GPR137B: variants seen among roughly 807,000 people sequenced by gnomAD.
GPR137B encodes integral membrane protein GPR137B.
GPR137B carries 42 observed loss-of-function variants against 42.5 expected under a neutral mutation model. That is an observed-to-expected ratio of 0.99 (90% CI 0.77 to 1.28). The LOEUF (loss-of-function observed/expected upper bound fraction) is 1.28. Among genes scored for constraint, GPR137B ranks in the 50% most tolerant of loss-of-function variants. The pLI, the probability that GPR137B is intolerant of heterozygous loss-of-function variation, is 0.00. For synonymous variants in GPR137B, 218 were observed against 209.7 expected (o/e 1.04, Z -0.34); for missense variants, 487 against 493.9 (o/e 0.99, Z 0.13).
chr1:236,172,374 T>A (rs992272861), intron 2 of GPR137B, among the ~76,000 whole-genome samples: 12 of 152,342 alleles, frequency 7.9e-5, no homozygotes, highest in African/African-American at 2.9e-4. Context: ...AGTCTAGAAC[T>A]AGTTGAAACT....
At chr1:236,167,165 C>G (rs1209973856) in intron 1 of GPR137B, among the ~76,000 whole-genome samples, 1 of 152,186 alleles carries the variant, frequency 6.6e-6, no homozygotes, top group Non-Finnish European at 1.5e-5. Context: ...AAAGTGTGCA[C>G]CGTGATGTTT....
chr1:236,169,199 C>G lies in GPR137B; in HGVS notation c.464+444C>G, dbSNP rs548569194. On this transcript the variant is annotated intron_variant, in intron 2 of 6. Transcript: ENST00000366592. ...GCAGGTGCAGGTGCAGGTGCAGGTG[C>G]AGGTGCAGGTGCAGGTACAGGTACA... Among the ~76,000 whole-genome samples, 13 of 141,234 alleles carry G rather than the reference C, an allele frequency of 9.2e-5. No homozygotes were observed. In the East Asian group the frequency reaches 2.5e-3, roughly 27 times the overall value. The allele number at this position is 141,234 out of a possible 152,430, so 92.7% of individuals were successfully genotyped here. A position where few individuals can be genotyped will look rare whatever the true frequency, so the allele number is the denominator to read the frequency against.
At chr1:236,164,903 A>C (rs1303719493) in intron 1 of GPR137B, among the ~76,000 whole-genome samples, 1 of 151,526 alleles carries the variant, frequency 6.6e-6, no homozygotes, top group East Asian at 1.9e-4. Context: ...AGAGAGAGAG[A>C]GAGAGAGAGA....
At chr1:236,196,547 T>C (rs1033343729) in intron 5 of GPR137B, among the ~76,000 whole-genome samples, 4 of 152,236 alleles carry the variant, frequency 2.6e-5, no homozygotes, top group Admixed American at 6.5e-5. Context: ...GCTGAGATTT[T>C]GGTGCACCCA....
rs1366037632 is a variant in GPR137B, at chr1:236,142,827, C to G, written c.205C>G (p.Arg69Gly). The change falls in exon 1 of 7, where the codon CGT (arginine) becomes GGT (glycine). Residue 69 changes from arginine (R) to glycine (G), a missense_variant. By Grantham distance (125) the Arg-to-Gly change is moderately radical (BLOSUM62 -2). Transcript: ENST00000366592. ...FIYVQLWLVL[R>G]YRHKRLSYQS... ...CTACGTGCAGCTCTGGCTGGTGCTG[C>G]GTTACCGCCACAAGCGGCTCAGCTA... The G allele has an allele frequency of 5.6e-6, 9 of 1,613,964 alleles. No homozygotes were observed. Among genetic ancestry groups the G allele is most frequent in the Non-Finnish European group, 7.6e-6 (9 of 1,179,824 alleles).
chr1:236,172,862 A>T lies in GPR137B; in HGVS notation c.464+4107A>T, dbSNP rs542716539. On this transcript the variant is annotated intron_variant, in intron 2 of 6. Transcript: ENST00000366592. ...ACCACATCCAGCTAATTAAAAAAAA[A>T]TTTTTTTTTTTTAGAGACAGGTTCT... 7.9e-4 allele frequency among the ~76,000 whole-genome samples: 114 copies of T among 144,664 alleles called. 2 individuals carry two copies. The South Asian group carries it at 9.5e-3, about 12-fold the overall frequency. The allele number at this position is 144,664 out of a possible 152,430, so 94.9% of individuals were successfully genotyped here. A position where few individuals can be genotyped will look rare whatever the true frequency, so the allele number is the denominator to read the frequency against.
chr1:236,161,183 C>T (rs1662183050), intron 1 of GPR137B, among the ~76,000 whole-genome samples: 1 of 152,142 alleles, frequency 6.6e-6, no homozygotes. Flanking sequence ...GCAGCCTTTG[C>T]TCTGCTCTGT....
intron 5 of GPR137B, among the ~76,000 whole-genome samples, chr1:236,193,815 CTGTAGCTGTCT>C (rs1477291720): frequency 6.6e-6 from 1 of 152,142 alleles, no homozygotes; most frequent in African/African-American, 2.4e-5. Context: ...TTCTCTCATT[CTGTAGCTGTCT>C]TTTCACTTTC....
At chr1:236,164,743 A>G (rs756192845) in intron 1 of GPR137B, among the ~76,000 whole-genome samples, 19 of 152,212 alleles carry the variant, frequency 1.2e-4, no homozygotes, top group Admixed American at 9.2e-4. Flanking sequence ...AGTTATATAG[A>G]TAATGTAAGT....
chr1:236,200,800 A>G (rs962281929), intron 5 of GPR137B, among the ~76,000 whole-genome samples: 2 of 151,976 alleles, frequency 1.3e-5, no homozygotes, highest in African/African-American at 2.4e-5. Context: ...CTAGTCTGCC[A>G]TTCTGTATCT....
chr1:236,183,757 C>G, intron 4 of GPR137B, 21 bp from the exon 5 acceptor site: 1 of 1,583,472 alleles, frequency 6.3e-7, no homozygotes, highest in Non-Finnish European at 8.7e-7. Context: ...TCTGATGACT[C>G]TCCCTGTCTG....
rs1056468053 is a variant in GPR137B at position 236,171,206 on chromosome 1, A to G, written c.464+2451A>G. 2.0e-5 allele frequency among the ~76,000 whole-genome samples: 3 copies of G among 152,200 alleles called. No individual in the cohort carries two copies. The highest frequency in any genetic ancestry group is 4.4e-5 in the Non-Finnish European group (3 of 68,030). On this transcript the variant is annotated intron_variant, in intron 2 of 6. Transcript: ENST00000366592. This position sits in a 1 kb window ranked among gnomAD's most constrained non-coding sequence, Gnocchi z 4.4. Reference sequence around the variant, plus strand: ...AGGTGTGGAATTCTCCAGTTGTGGCATCAGGTTGATTGATGCTCAGAAAGT... The same window carrying G: ...AGGTGTGGAATTCTCCAGTTGTGGCGTCAGGTTGATTGATGCTCAGAAAGT...
intron 5 of GPR137B, among the ~76,000 whole-genome samples, chr1:236,193,768 CTT>C (rs1292985664): frequency 2.0e-5 from 3 of 152,160 alleles, no homozygotes; most frequent in Non-Finnish European, 4.4e-5. Flanking sequence ...TAAATATACT[CTT>C]AAGTCCCTTG....
intron 5 of GPR137B, among the ~76,000 whole-genome samples, chr1:236,184,520 G>A (rs940983599): frequency 1.3e-5 from 2 of 152,128 alleles, no homozygotes; most frequent in East Asian, 1.9e-4. Context: ...ACAAACTAGT[G>A]GTAGCTTTTT....
Position 236,156,605 on chromosome 1 carries a change from C to T in GPR137B, c.415-12101C>T, listed in dbSNP as rs1164969774. ...CTGAGCCTCAAATGCAGATCCCCTC[C>T]CCGCCGCAGAGCCGCCTTGTGTGTC... On this transcript the variant is annotated intron_variant, in intron 1 of 6. Transcript: ENST00000366592. This position sits in a 1 kb window ranked among gnomAD's most constrained non-coding sequence, Gnocchi z 4.8. Among the ~76,000 whole-genome samples the T allele has an allele frequency of 6.6e-6, 1 of 152,204 alleles. No individual in the cohort carries two copies. The highest frequency in any genetic ancestry group is 1.5e-5 in the Non-Finnish European group (1 of 68,036).
intron 1 of GPR137B, among the ~76,000 whole-genome samples, chr1:236,161,622 G>A (rs1662200470): frequency 6.6e-6 from 1 of 152,128 alleles, no homozygotes; most frequent in Non-Finnish European, 1.5e-5. Flanking sequence ...ATTTCCAAGT[G>A]TTGTGGGAGG....
At chr1:236,161,232 A>G (rs1196702344) in intron 1 of GPR137B, among the ~76,000 whole-genome samples, 3 of 151,920 alleles carry the variant, frequency 2.0e-5, no homozygotes, top group Non-Finnish European at 4.4e-5. Context: ...TCTGCATTTC[A>G]GCTGTGCCAA....
chr1:236,169,689 TC>T (rs1662475597), intron 2 of GPR137B, among the ~76,000 whole-genome samples: 1 of 151,948 alleles, frequency 6.6e-6, no homozygotes, highest in African/African-American at 2.4e-5. Flanking sequence ...TTCGTAGCTC[TC>T]CCCAGAGGGG....
chr1:236,163,457 A>C (rs1662257210), intron 1 of GPR137B, among the ~76,000 whole-genome samples: 1 of 152,078 alleles, frequency 6.6e-6, no homozygotes, highest in Non-Finnish European at 1.5e-5. Context: ...TGAGATTAGG[A>C]GGGGCCAGGG....
Sources: gnomAD v4.1 joint callset for allele counts (sites outside exome capture counted in the v4.1 genomes callset) on GRCh38, gnomAD v4.1.1 for gene constraint, Gnocchi (gnomAD v3.1) non-coding constraint, MANE v1.5 for transcripts, NCBI Gene and HGNC (gene_info 2026-07-23, HGNC 2026-07-21) for gene names.